Variants in PAH observed in about 807,000 individuals in gnomAD.
PAH encodes the protein phenylalanine-4-hydroxylase.
PAH carries 64 observed loss-of-function variants against 62.0 expected under a neutral mutation model. The observed-to-expected ratio is 1.03, with a 90% CI of 0.84 to 1.27. The LOEUF is 1.27. Ranked by LOEUF, PAH falls within the 50% of genes most tolerant of loss-of-function variation. The pLI is 0.00. For missense variants in PAH, 579 were observed against 542.8 expected (o/e 1.07, Z -0.66); for synonymous variants, 195 against 196.2 (o/e 0.99, Z 0.05).
chr12:102,926,178 G>T (rs545084793), intron 1 of PAH, among the ~76,000 whole-genome samples: 178 of 152,172 alleles, frequency 1.2e-3, no homozygotes, highest in African/African-American at 4.1e-3. Flanking sequence ...CAGTGACCAA[G>T]AAGACACTGA....
intron 5 of PAH, among the ~76,000 whole-genome samples, chr12:102,863,805 T>C (rs1378214180): frequency 1.3e-5 from 2 of 152,124 alleles, no homozygotes; most frequent in African/African-American, 4.8e-5. Flanking sequence ...AGCTCTCCTT[T>C]ATGTTTGAGT....
intron 2 of PAH, among the ~76,000 whole-genome samples, chr12:102,909,260 T>C (rs1389971479): frequency 2.0e-5 from 3 of 152,162 alleles, no homozygotes; most frequent in East Asian, 1.9e-4. Context: ...TAGGATTCAT[T>C]TGATTTTTTC....
At chr12:102,917,894 C>G (rs34674687), upstream of PAH, among the ~76,000 whole-genome samples, 16,579 of 152,234 alleles carry the variant, frequency 0.11, 1,067 homozygotes, top group East Asian at 0.16. Context: ...AAATTTAGTA[C>G]AGTTCTTCCA....
chr12:102,895,961 A>G (rs1478064168), intron 2 of PAH, among the ~76,000 whole-genome samples: 1 of 151,670 alleles, frequency 6.6e-6, no homozygotes, highest in African/African-American at 2.4e-5. Flanking sequence ...ACAGTGGCCA[A>G]TCATCCTTCT....
intron 4 of PAH, among the ~76,000 whole-genome samples, chr12:102,875,175 G>T (rs1453865660): frequency 6.6e-6 from 1 of 152,218 alleles, no homozygotes; most frequent in Non-Finnish European, 1.5e-5. Context: ...CTGTGTACCT[G>T]ATATGTTGTA....
At chr12:102,945,862 G>A (rs1032974109) in intron 1 of PAH, 1 of 152,226 alleles carries the variant, frequency 6.6e-6, no homozygotes, top group African/African-American at 2.4e-5. Context: ...TTCTCAAGCA[G>A]AAGGAGTCTC....
intron 1 of PAH, among the ~76,000 whole-genome samples, chr12:102,916,279 A>G (rs1269370895): frequency 1.3e-5 from 2 of 151,964 alleles, no homozygotes; most frequent in Non-Finnish European, 2.9e-5. Flanking sequence ...CCCTAATCCT[A>G]CTGATGACAG....
rs199475619 is a variant in PAH at position 102,912,802 on chromosome 12, G to A, written c.157C>T (p.Arg53Cys). 4.9e-5 allele frequency: 79 copies of A among 1,608,754 alleles called. No homozygotes were observed. The highest frequency in any genetic ancestry group is 1.3e-4 in the South Asian group (12 of 90,992). The change falls in exon 2 of 13, where the codon CGC becomes TGC. Residue 53 changes from arginine to cysteine, a missense_variant. Arg to Cys is a radical substitution (Grantham distance 180). Coordinates refer to ENST00000553106, the MANE Select transcript of PAH (RefSeq NM_000277.3). The part of the protein sequence containing the change: ...EEVGALAKVL[R>C]LFEENDVNLT... ...ATTGTAGCACTGACCTCAAATAAGC[G>A]CAATACTTTGGCCAATGCACCAACT...
chr12:102,892,219 A>G (rs541786461), intron 3 of PAH, among the ~76,000 whole-genome samples: 3 of 152,274 alleles, frequency 2.0e-5, no homozygotes, highest in Admixed American at 2.0e-4. Context: ...AAGGCCATGG[A>G]GCTACCTTTT....
intron 1 of PAH, among the ~76,000 whole-genome samples, chr12:102,929,616 A>G (rs1878789843): frequency 6.6e-6 from 1 of 152,118 alleles, no homozygotes; most frequent in African/African-American, 2.4e-5. Context: ...GTGCGTTTTG[A>G]CAAGACCACT....
intron 4 of PAH, among the ~76,000 whole-genome samples, chr12:102,875,753 T>C (rs2136676806): frequency 6.6e-6 from 1 of 152,274 alleles, no homozygotes; most frequent in South Asian, 2.1e-4. Context: ...AGTTTAAATA[T>C]AACTTAGTTT....
At chr12:102,948,481 C>T (rs149027770) in intron 1 of PAH, among the ~76,000 whole-genome samples, 1,700 of 152,194 alleles carry the variant, frequency 0.011, 16 homozygotes, top group Non-Finnish European at 0.017. Context: ...CGAAAGGCTC[C>T]GGGGCTGGGT....
At chr12:102,841,179 G>A (rs1320622778) in intron 11 of PAH, among the ~76,000 whole-genome samples, 1 of 152,184 alleles carries the variant, frequency 6.6e-6, no homozygotes, top group Non-Finnish European at 1.5e-5. Flanking sequence ...AAGGAACCCA[G>A]GCAGTCTGAC....
intron 2 of PAH, 66 bp downstream of exon 2, chr12:102,912,721 CATCT>C (rs2136727871): frequency 1.9e-6 from 2 of 1,075,288 alleles, no homozygotes; most frequent in East Asian, 4.7e-5. Flanking sequence ...CTTTTCATTG[CATCT>C]AACTAGAAAA....
intron 9 of PAH, 96 bp downstream of exon 9, chr12:102,846,799 G>C: frequency 1.0e-6 from 1 of 996,670 alleles, no homozygotes; most frequent in Non-Finnish European, 1.6e-6. Context: ...TTTTTCCCCA[G>C]ATAACCTGGC....
At chr12:102,852,533 C>T (rs76256705) in intron 7 of PAH, among the ~76,000 whole-genome samples, 4,041 of 152,270 alleles carry the variant, frequency 0.027, 175 homozygotes, top group African/African-American at 0.091. Flanking sequence ...TTTGCAACTT[C>T]GTAGCTTTGA....
chr12:102,854,804 A>C (rs1028628563), intron 6 of PAH: 2 of 388,774 alleles, frequency 5.1e-6, no homozygotes, highest in Non-Finnish European at 9.8e-6. Context: ...AGCAGGAACT[A>C]CAGGGCAAAC....
upstream of PAH, among the ~76,000 whole-genome samples, chr12:102,952,205 G>A (rs539635247): frequency 2.6e-5 from 4 of 152,192 alleles, no homozygotes; most frequent in Admixed American, 6.5e-5. Context: ...TGGACTCCAC[G>A]CTTCTTTTCT....
At chr12:102,893,384 G>C (rs969997020) in intron 3 of PAH, among the ~76,000 whole-genome samples, 4 of 151,588 alleles carry the variant, frequency 2.6e-5, no homozygotes, top group African/African-American at 9.7e-5. Flanking sequence ...TGGGCAACAA[G>C]AACGAAATTC....
Sources: gnomAD v4.1 joint callset for allele counts (sites outside exome capture counted in the v4.1 genomes callset) on GRCh38, gnomAD v4.1.1 for gene constraint, MANE v1.5 for transcripts, NCBI Gene and HGNC (gene_info 2026-07-23, HGNC 2026-07-21) for gene names.